The following MAP2K1 variants were observed in gnomAD, a reference collection of about 807,000 sequenced individuals.
MAP2K1 encodes mitogen-activated protein kinase kinase 1.
MAP2K1 carries 16 observed loss-of-function variants against 46.3 expected under a neutral mutation model. That is an observed-to-expected ratio of 0.35 (90% CI 0.23 to 0.52). MAP2K1 has a LOEUF of 0.52. MAP2K1 is among the 20% of genes least tolerant of loss of function. The pLI is 0.94. For missense variants in MAP2K1, 263 were observed against 497.1 expected (o/e 0.53, Z 4.48); for synonymous variants, 183 against 185.6 (o/e 0.99, Z 0.11).
intron 5 of MAP2K1, among the ~76,000 whole-genome samples, chr15:66,467,471 A>G (rs903062531): frequency 3.9e-5 from 6 of 152,212 alleles, no homozygotes; most frequent in African/African-American, 9.6e-5. Flanking sequence ...CTAAAGCCAC[A>G]TGATTAGAAG....
chr15:66,415,234 CT>C, intron 1 of MAP2K1: 1 of 429,868 alleles, frequency 2.3e-6, no homozygotes, highest in Non-Finnish European at 4.5e-6. Flanking sequence ...CCTGTGTCAT[CT>C]TTTTAAGCAA....
At chr15:66,390,383 C>T (rs985550139) in intron 1 of MAP2K1, among the ~76,000 whole-genome samples, 1 of 152,186 alleles carries the variant, frequency 6.6e-6, no homozygotes, top group Non-Finnish European at 1.5e-5. Context: ...TAGACCAGGG[C>T]ACAATTTTGA....
At chr15:66,391,848 C>T (rs2093356783) in intron 1 of MAP2K1, among the ~76,000 whole-genome samples, 2 of 151,858 alleles carry the variant, frequency 1.3e-5, no homozygotes, top group African/African-American at 2.4e-5. Context: ...ATGTGTATAC[C>T]CTTGGGAAGT....
intron 7 of MAP2K1, among the ~76,000 whole-genome samples, chr15:66,486,731 TGAGA>T (rs1204487022): frequency 1.3e-5 from 2 of 152,100 alleles, no homozygotes; most frequent in African/African-American, 2.4e-5. Flanking sequence ...GAGGTCCACA[TGAGA>T]GAGAGCTTGT....
intron 9 of MAP2K1, 26 bp from the exon 10 acceptor site, chr15:66,489,692 T>G (rs1595888702): frequency 6.2e-7 from 1 of 1,601,750 alleles, no homozygotes. Flanking sequence ...AGGCAACAGC[T>G]CTTACCTTGT....
rs553748886 is a variant in MAP2K1, at chr15:66,491,378, G to A, written c.*763G>A. 7.8e-5 allele frequency: 18 copies of A among 231,690 alleles called. No homozygotes were observed. The highest frequency in any genetic ancestry group is 2.5e-4 in the East Asian group (4 of 16,068). 14.4% of individuals were successfully genotyped at this position (231,690 alleles called of 1,614,324 possible). A position where few individuals can be genotyped will look rare whatever the true frequency, so the allele number is the denominator to read the frequency against. ...AAATTGATCAAGATATTAAAATGTC[G>A]GATTTATCTTTCCCCATATCCAAGT... On this transcript the variant is annotated 3_prime_UTR_variant, in exon 11 of 11. Coordinates refer to ENST00000307102, the MANE Select transcript of MAP2K1 (RefSeq NM_002755.4).
chr15:66,452,735 A>T (rs1036401110), intron 5 of MAP2K1, among the ~76,000 whole-genome samples: 1 of 152,172 alleles, frequency 6.6e-6, no homozygotes, highest in Admixed American at 6.5e-5. Context: ...ATGGAAAGCA[A>T]CTGGCAAAGT....
chr15:66,446,205 C>G (rs1232111296), intron 5 of MAP2K1, among the ~76,000 whole-genome samples: 2 of 150,668 alleles, frequency 1.3e-5, no homozygotes, highest in Admixed American at 6.6e-5. Flanking sequence ...GGGTGACGAG[C>G]AAGACTCCGT....
At chr15:66,397,250 G>GCTCA (rs1555412925) in intron 1 of MAP2K1, among the ~76,000 whole-genome samples, 1 of 148,584 alleles carries the variant, frequency 6.7e-6, no homozygotes, top group Admixed American at 6.7e-5. Flanking sequence ...TGATCCGCCT[G>GCTCA]CCTCGGCCTC....
chr15:66,420,721 ATGTGTGTGTGTGTG>A (rs1166822915), intron 1 of MAP2K1, among the ~76,000 whole-genome samples: 1 of 29,702 alleles, frequency 3.4e-5, no homozygotes, highest in Non-Finnish European at 7.3e-5. Context: ...ATATATATAT[ATGTGTGTGTGTGTG>A]TGTGTGTGTG....
At chr15:66,390,019 G>C (rs1364552973) in intron 1 of MAP2K1, among the ~76,000 whole-genome samples, 1 of 152,204 alleles carries the variant, frequency 6.6e-6, no homozygotes, top group African/African-American at 2.4e-5. Context: ...GGCTGCTGGT[G>C]CCTTTGTTAC....
At chr15:66,474,902 C>CAA (rs34111868) in intron 5 of MAP2K1, among the ~76,000 whole-genome samples, 38 of 140,532 alleles carry the variant, frequency 2.7e-4, no homozygotes, top group African/African-American at 4.7e-4. Flanking sequence ...AGACTTGTCT[C>CAA]AAAAAAAAAA....
intron 6 of MAP2K1, among the ~76,000 whole-genome samples, chr15:66,484,668 G>C (rs114591502): frequency 6.7e-6 from 1 of 150,272 alleles, no homozygotes; most frequent in East Asian, 1.9e-4. Context: ...GCTGCCCTGC[G>C]TGTGCAAGAC....
At chr15:66,414,796 TC>T (rs540311027) in intron 1 of MAP2K1, 9 of 219,624 alleles carry the variant, frequency 4.1e-5, no homozygotes, top group East Asian at 1.5e-4. Context: ...TTTTTTTTTT[TC>T]CCCCAGTCAT....
chr15:66,466,955 T>G (rs752274241), intron 5 of MAP2K1, among the ~76,000 whole-genome samples: 4 of 152,024 alleles, frequency 2.6e-5, no homozygotes, highest in African/African-American at 4.8e-5. Context: ...TGTTAGAGTT[T>G]TATAGTTGAT....
chr15:66,489,994 A>AG, intron 10 of MAP2K1: 1 of 604,096 alleles, frequency 1.7e-6, no homozygotes, highest in Non-Finnish European at 2.9e-6. Context: ...GAAATGCCTG[A>AG]GGGGGCCATG....
intron 1 of MAP2K1, among the ~76,000 whole-genome samples, chr15:66,405,492 AT>A (rs1566997625): frequency 1.3e-5 from 2 of 152,144 alleles, no homozygotes; most frequent in African/African-American, 4.8e-5. Context: ...TTGCCCCTTT[AT>A]TTAATTTTTT....
chr15:66,463,172 GA>G (rs923985220), intron 5 of MAP2K1, among the ~76,000 whole-genome samples: 3 of 152,178 alleles, frequency 2.0e-5, no homozygotes, highest in African/African-American at 7.2e-5. Flanking sequence ...TAATTAGGGG[GA>G]TACATCTGAA....
intron 5 of MAP2K1, among the ~76,000 whole-genome samples, chr15:66,453,165 A>T (rs1892080174): frequency 6.6e-6 from 1 of 152,140 alleles, no homozygotes; most frequent in Admixed American, 6.5e-5. Context: ...AAGACCTCTA[A>T]CTTTATTTCC....
Sources: allele counts gnomAD v4.1 joint callset (sites outside exome capture counted in the v4.1 genomes callset), GRCh38; gene constraint gnomAD v4.1.1; transcripts MANE v1.5; gene names NCBI Gene and HGNC (gene_info 2026-07-23, HGNC 2026-07-21).